NRXN1: variants seen among roughly 807,000 people sequenced by gnomAD.
NRXN1 encodes neurexin-1.
Under a neutral mutation model 150.9 loss-of-function variants are expected in NRXN1, and 39 were observed. The ratio of observed to expected loss-of-function variants is 0.26; its 90% confidence interval spans 0.20 to 0.34. NRXN1 has a LOEUF of 0.34. NRXN1 is among the 10% of genes least tolerant of loss of function. NRXN1 has a pLI of 1.00. For missense variants in NRXN1, 1,815 were observed against 1,949.9 expected (o/e 0.93, Z 1.30); for synonymous variants, 924 against 757.0 (o/e 1.22, Z -3.62).
chr2:50,416,384 T>C (rs1462098646), intron 17 of NRXN1, among the ~76,000 whole-genome samples: 1 of 152,102 alleles, frequency 6.6e-6, no homozygotes, highest in Non-Finnish European at 1.5e-5. Context: ...CCTCTGTACC[T>C]ACCTTAAGCT....
chr2:50,759,992 C>T (rs185604316), intron 5 of NRXN1, among the ~76,000 whole-genome samples: 14 of 151,882 alleles, frequency 9.2e-5, no homozygotes, highest in Admixed American at 2.0e-4. Flanking sequence ...AGCTGCCCCT[C>T]GGAGAATTAC....
intron 5 of NRXN1, among the ~76,000 whole-genome samples, chr2:50,772,569 A>T (rs1280896744): frequency 6.6e-6 from 1 of 152,110 alleles, no homozygotes; most frequent in Non-Finnish European, 1.5e-5. Flanking sequence ...TGAAAAAAGG[A>T]AGGCCACTTA....
At chr2:50,815,046 A>G (rs1312917908) in intron 5 of NRXN1, among the ~76,000 whole-genome samples, 1 of 152,148 alleles carries the variant, frequency 6.6e-6, no homozygotes, top group Non-Finnish European at 1.5e-5. Context: ...TTATGTTGCA[A>G]TCAGATGAAC....
At chr2:50,314,620 A>G (rs914194826) in intron 17 of NRXN1, among the ~76,000 whole-genome samples, 2 of 121,784 alleles carry the variant, frequency 1.6e-5, no homozygotes, top group Non-Finnish European at 3.2e-5. Flanking sequence ...CTAAAATGTC[A>G]TTATTTTTTT....
At position 51,013,693 on chromosome 2, in the gene NRXN1, G is replaced by A. The variant is rs112237044; in HGVS notation, c.772+13809C>T. Among the ~76,000 whole-genome samples the A allele has an allele frequency of 4.5e-4, 69 of 152,018 alleles. 1 individual carries two copies. Among genetic ancestry groups the A allele is most frequent in the Non-Finnish European group, 2.1e-4 (14 of 67,968 alleles). ...AGCAGTTGTCTATTTAAGCTACTAAGGATCTCTAGTGATACAGATTCACCC... is the reference window on the plus strand; with the variant it reads ...AGCAGTTGTCTATTTAAGCTACTAAAGATCTCTAGTGATACAGATTCACCC... On this transcript the variant is annotated intron_variant, in intron 2 of 22. Transcript: ENST00000401669.
chr2:50,956,369 T>C (rs1396885695), intron 2 of NRXN1, among the ~76,000 whole-genome samples: 1 of 152,094 alleles, frequency 6.6e-6, no homozygotes, highest in Non-Finnish European at 1.5e-5. Context: ...TGGAACATAT[T>C]CCCCTCATGT....
chr2:50,069,356 G>C (rs765542708), intron 19 of NRXN1, among the ~76,000 whole-genome samples: 1 of 152,258 alleles, frequency 6.6e-6, no homozygotes, highest in Non-Finnish European at 1.5e-5. Flanking sequence ...GACCCTCAAT[G>C]CTAATGGCCC....
At chr2:50,012,574 C>A (rs948201771) in intron 21 of NRXN1, among the ~76,000 whole-genome samples, 6 of 152,072 alleles carry the variant, frequency 3.9e-5, no homozygotes, top group African/African-American at 9.7e-5. Flanking sequence ...CACCTCCATT[C>A]ATCTTACAGA....
chr2:50,896,926 T>G (rs770981214), intron 5 of NRXN1, among the ~76,000 whole-genome samples: 5 of 151,880 alleles, frequency 3.3e-5, no homozygotes, highest in Non-Finnish European at 7.4e-5. Context: ...GATTTAAGCA[T>G]CTGAAAGAGG....
intron 15 of NRXN1, among the ~76,000 whole-genome samples, chr2:50,479,632 A>G (rs1317200844): frequency 1.4e-5 from 2 of 138,642 alleles, no homozygotes; most frequent in Non-Finnish European, 3.2e-5. Flanking sequence ...CATTCAATAA[A>G]TAATCATTGA....
Position 50,888,624 on chromosome 2 carries a change from G to A in NRXN1, c.832+33245C>T, listed in dbSNP as rs936323927. Among the ~76,000 whole-genome samples, 7 of 151,506 alleles carry A rather than the reference G, an allele frequency of 4.6e-5. No individual in the cohort carries two copies. The East Asian group carries it at 1.2e-3, about 25-fold the overall frequency. On this transcript the variant is annotated intron_variant, in intron 5 of 22. Transcript: ENST00000401669. ...CAGAAAATCATGAACTGCAATAACT[G>A]TAATCCACCATTAGCTTCAGAAAAA...
intron 5 of NRXN1, among the ~76,000 whole-genome samples, chr2:50,802,087 A>G (rs1707673247): frequency 6.6e-6 from 1 of 152,216 alleles, no homozygotes; most frequent in Non-Finnish European, 1.5e-5. Context: ...TATATGATAA[A>G]GAATTACAAG....
chr2:50,151,700 G>T (rs945775697), intron 18 of NRXN1, among the ~76,000 whole-genome samples: 1 of 151,750 alleles, frequency 6.6e-6, no homozygotes, highest in Non-Finnish European at 1.5e-5. Flanking sequence ...ACTAAAAATG[G>T]GTATGAGGTT....
chr2:50,482,128 G>A (rs2090518693), intron 15 of NRXN1, among the ~76,000 whole-genome samples: 1 of 152,080 alleles, frequency 6.6e-6, no homozygotes, highest in Admixed American at 6.5e-5. Context: ...TTTTTTTAAA[G>A]TATGATTCTG....
intron 5 of NRXN1, among the ~76,000 whole-genome samples, chr2:50,902,167 A>C (rs1252041700): frequency 6.6e-6 from 1 of 152,226 alleles, no homozygotes; most frequent in Non-Finnish European, 1.5e-5. Flanking sequence ...AAATATCATT[A>C]ATTCACTCAT....
intron 17 of NRXN1, among the ~76,000 whole-genome samples, chr2:50,294,430 A>C (rs1292164732): frequency 6.6e-6 from 1 of 152,254 alleles, no homozygotes; most frequent in East Asian, 1.9e-4. Context: ...AAAATAAAAT[A>C]AATCAGAAAT....
At chr2:50,097,927 C>T (rs1417893273) in intron 18 of NRXN1, among the ~76,000 whole-genome samples, 2 of 152,138 alleles carry the variant, frequency 1.3e-5, no homozygotes. Context: ...GTGTGAGCCA[C>T]TGCCCCCAGC....
intron 5 of NRXN1, among the ~76,000 whole-genome samples, chr2:50,699,602 G>C (rs1371300275): frequency 6.6e-6 from 1 of 152,156 alleles, no homozygotes; most frequent in Non-Finnish European, 1.5e-5. Context: ...CAGGCCCCCT[G>C]CTGACAGCCA....
intron 17 of NRXN1, among the ~76,000 whole-genome samples, chr2:50,407,882 A>C (rs2104019500): frequency 6.6e-6 from 1 of 152,322 alleles, no homozygotes; most frequent in South Asian, 2.1e-4. Flanking sequence ...AGAAAAAGGA[A>C]TATGGGAAAG....
Sources: allele counts gnomAD v4.1 joint callset (sites outside exome capture counted in the v4.1 genomes callset), GRCh38; gene constraint gnomAD v4.1.1; transcripts MANE v1.5; gene names NCBI Gene and HGNC (gene_info 2026-07-23, HGNC 2026-07-21).